Variants in INPP5B observed in about 807,000 individuals in gnomAD.
INPP5B encodes type II inositol 1,4,5-trisphosphate 5-phosphatase.
Under a neutral mutation model 118.5 loss-of-function variants are expected in INPP5B, and 90 were observed. The ratio of observed to expected loss-of-function variants is 0.76; its 90% CI spans 0.64 to 0.90. The LOEUF (loss-of-function observed/expected upper bound fraction) is 0.90, where lower values mean the gene tolerates loss of function less well. INPP5B is among the 40% of genes least tolerant of loss of function. The pLI is 0.00. For missense variants in INPP5B, 984 were observed against 1,125.6 expected, an observed-to-expected ratio of 0.87 and a Z score of 1.80; for synonymous variants, 385 against 418.9, an observed-to-expected ratio of 0.92 and a Z score of 0.99.
chr1:37,872,772 G>A (rs768713772), intron 19 of INPP5B, among the ~76,000 whole-genome samples, 158 bp downstream of exon 19: 10 of 151,814 alleles, frequency 6.6e-5, no homozygotes, highest in Non-Finnish European at 1.3e-4. Context: ...AAAATTTCAG[G>A]ATGGTTTGTA....
At chr1:37,925,394 G>A (rs1645190792) in intron 7 of INPP5B, among the ~76,000 whole-genome samples, 1 of 151,994 alleles carries the variant, frequency 6.6e-6, no homozygotes, top group Admixed American at 6.6e-5. Context: ...AAAACTGTTA[G>A]AGCGTAATTT....
intron 19 of INPP5B, among the ~76,000 whole-genome samples, chr1:37,872,347 G>A (rs565272261): frequency 1.6e-5 from 2 of 123,616 alleles, no homozygotes; most frequent in East Asian, 4.8e-4. Context: ...TCCAGCCTGG[G>A]CAACAAGAGT....
rs1363594997 is a variant in INPP5B, at chr1:37,934,909, T to C, written c.392-2856A>G. Among the ~76,000 whole-genome samples, 6 of 151,426 alleles carry C rather than the reference T, an allele frequency of 4.0e-5. No individual in the cohort carries two copies. In the East Asian group the frequency reaches 9.8e-4, roughly 25 times the overall value. On this transcript the variant is annotated intron_variant, in intron 6 of 23. Transcript: ENST00000373024. ...GGCGGTGTTCTTTTTTTTTTTAAGA[T>C]GGAGTCTTGGCCGGGCGCAGTGGCT...
chr1:37,942,778 G>A (rs990198347), intron 5 of INPP5B, among the ~76,000 whole-genome samples: 3 of 151,516 alleles, frequency 2.0e-5, no homozygotes, highest in African/African-American at 7.3e-5. Flanking sequence ...GCATGGTGGC[G>A]GGTGCCTGTA....
In INPP5B at chr1:37,939,666, A is replaced by C. The variant is rs559762106; in HGVS notation, c.391+1022T>G. Among the ~76,000 whole-genome samples, 19 of 150,488 alleles carry C rather than the reference A, an allele frequency of 1.3e-4. No individual in the cohort carries two copies. The East Asian group carries it at 3.6e-3, about 29-fold the overall frequency. ...CACCGTGTTAGCTAGGATGATCTCG[A>C]TCTCCTGACCTGGTGATCCACCCGC... On this transcript the variant is annotated intron_variant, in intron 6 of 23. Transcript: ENST00000373024.
At chr1:37,894,876 C>T (rs1329667271) in intron 7 of INPP5B, among the ~76,000 whole-genome samples, 1 of 152,164 alleles carries the variant, frequency 6.6e-6, no homozygotes, top group Non-Finnish European at 1.5e-5. Context: ...ACGTAACATC[C>T]AAGTTCAAGT....
chr1:37,893,965 TAAATATCCTAGGCTTTGCAG>T (rs1643923759), intron 7 of INPP5B, among the ~76,000 whole-genome samples: 1 of 152,172 alleles, frequency 6.6e-6, no homozygotes, highest in South Asian at 2.1e-4. Context: ...GGCCACAGAG[TAAATATCCTAGGCTTTGCAG>T]GTCATACAGT....
chr1:37,931,619 G>A (rs1383511961), intron 7 of INPP5B: 1 of 1,536,602 alleles, frequency 6.5e-7, no homozygotes, highest in Non-Finnish European at 8.7e-7. Context: ...AGGGCCGGGC[G>A]CACCGCCGCC....
At position 37,899,931 on chromosome 1, in the gene INPP5B, A is replaced by G. The variant is rs139266904; in HGVS notation, c.533-8477T>C. On this transcript the variant is annotated intron_variant, in intron 7 of 23. Coordinates refer to ENST00000373024, the MANE Select transcript of INPP5B (RefSeq NM_005540.3). ...GGGTTTCACCGTGTTAGCCGGGATGATCTCGGTCTCCTGACTTCATGATCC... is the reference window on the plus strand; with the variant it reads ...GGGTTTCACCGTGTTAGCCGGGATGGTCTCGGTCTCCTGACTTCATGATCC... Among the ~76,000 whole-genome samples the G allele has an allele frequency of 9.0e-4, 136 of 151,072 alleles. No individual in the cohort carries two copies. In the East Asian group the frequency reaches 0.025, roughly 28 times the overall value.
At chr1:37,871,440 A>G (rs1351808403) in intron 19 of INPP5B, among the ~76,000 whole-genome samples, 4 of 151,842 alleles carry the variant, frequency 2.6e-5, no homozygotes, top group African/African-American at 9.7e-5. Context: ...CCTGGTGGAC[A>G]GAGTGAGACG....
chr1:37,868,635 T>C lies in INPP5B; in HGVS notation c.2188-21A>G, dbSNP rs746743486. 23 of 1,519,942 alleles carry C rather than the reference T, an allele frequency of 1.5e-5. No individual in the cohort carries two copies. The Admixed American group carries it at 3.7e-4, about 24-fold the overall frequency. 94.2% of individuals were successfully genotyped at this position (1,519,942 alleles called of 1,614,324 possible). On this transcript the variant is annotated intron_variant, in intron 19 of 23. Coordinates refer to ENST00000373024, the MANE Select transcript of INPP5B (RefSeq NM_005540.3). ...AGAGTCTGGAAAGCAATCAAGATCA[T>C]GACAGAACTTCTGCCAGGCTGGCTC...
chr1:37,922,808 G>A (rs558921999), intron 7 of INPP5B, among the ~76,000 whole-genome samples: 20 of 152,366 alleles, frequency 1.3e-4, no homozygotes, highest in African/African-American at 4.6e-4. Context: ...TGCACCCTGT[G>A]CAAATCCAAT....
chr1:37,915,400 A>G (rs1160420490), intron 7 of INPP5B, among the ~76,000 whole-genome samples: 2 of 152,268 alleles, frequency 1.3e-5, no homozygotes, highest in Non-Finnish European at 2.9e-5. Context: ...ACTTAGTGAG[A>G]GAAACAAAGC....
At chr1:37,937,352 C>T (rs1357216813) in intron 6 of INPP5B, among the ~76,000 whole-genome samples, 1 of 151,984 alleles carries the variant, frequency 6.6e-6, no homozygotes, top group Non-Finnish European at 1.5e-5. Context: ...AAATGAGAGG[C>T]TGGGCAAGGT....
chr1:37,946,374 G>A (rs1646112644), intron 1 of INPP5B, 40 bp from the exon 2 acceptor site: 1 of 1,484,798 alleles, frequency 6.7e-7, no homozygotes. Flanking sequence ...TGGTCAACAA[G>A]TTACGCATGG....
chr1:37,882,886 C>G lies in INPP5B; in HGVS notation c.1352G>C (p.Arg451Thr), dbSNP rs1377229991. The G allele has an allele frequency of 1.9e-6, 3 of 1,613,950 alleles. No individual in the cohort carries two copies. The African/African-American group carries it at 4.0e-5, about 22-fold the overall frequency. The part of the protein sequence containing the change: ...VILWLGDLNY[R>T]IEELDVEKVK... ...TTTTTCCACATCCAGCTCTTCTATC[C>G]TGTAGTTGAGGTCCCCCAGCCACAA... Residue 451 changes from arginine (R) to threonine (T), a missense_variant, in exon 14 of 24, where the codon AGG becomes ACG. Around this residue, in one of 2 missense-constraint regions of INPP5B, gnomAD observed 634 missense variants for 791.0 expected, o/e 0.80. Transcript: ENST00000373024.
intron 5 of INPP5B, among the ~76,000 whole-genome samples, chr1:37,943,255 T>C (rs1354514675): frequency 1.3e-5 from 2 of 151,956 alleles, no homozygotes; most frequent in Non-Finnish European, 2.9e-5. Context: ...CCCCCCAAAG[T>C]GCTGGGATTA....
rs1008770400 is a variant in INPP5B at position 37,877,017 on chromosome 1, T to A, written c.1677+1171A>T. 5.3e-5 allele frequency among the ~76,000 whole-genome samples: 8 copies of A among 149,966 alleles called. No individual in the cohort carries two copies. The East Asian group carries it at 1.6e-3, about 29-fold the overall frequency. ...CCGCAGTTCGCTGTGACTGTGCCAC[T>A]GCATCACTGCACTCCAGCCTGGGTG... On this transcript the variant is annotated intron_variant, in intron 16 of 23. Coordinates refer to ENST00000373024, the MANE Select transcript of INPP5B (RefSeq NM_005540.3).
At chr1:37,930,743 A>T (rs2148661124) in intron 7 of INPP5B, 1 of 152,172 alleles carries the variant, frequency 6.6e-6, no homozygotes, top group Middle Eastern at 3.4e-3. Context: ...CAGTTTACAA[A>T]CTCTTGTGCA....
Sources: allele counts gnomAD v4.1 joint callset (sites outside exome capture counted in the v4.1 genomes callset), GRCh38; gene constraint gnomAD v4.1.1; regional missense constraint gnomAD v4.1.1; transcripts MANE v1.5; gene names NCBI Gene and HGNC (gene_info 2026-07-23, HGNC 2026-07-21).